The following TCF12 variants were observed in gnomAD, a reference collection of about 807,000 sequenced individuals.
TCF12 encodes transcription factor 12, also known as DNA-binding protein HTF4.
TCF12 carries 45 observed loss-of-function variants against 86.0 expected under a neutral mutation model. The ratio of observed to expected loss-of-function variants is 0.52; its 90% confidence interval spans 0.41 to 0.67. TCF12 has a LOEUF of 0.67. Ranked by LOEUF, TCF12 falls within the 30% of genes least tolerant of loss-of-function variation. The pLI is 0.00. For missense variants in TCF12, 881 were observed against 859.9 expected (o/e 1.02, Z -0.31); for synonymous variants, 330 against 299.6 (o/e 1.10, Z -1.05).
rs141143603 is a variant in TCF12, at chr15:57,264,591, C to T, written c.1745+1317C>T. Among the ~76,000 whole-genome samples the T allele has an allele frequency of 4.5e-3, 691 of 151,928 alleles. 4 individuals are homozygous for T. The highest frequency in any genetic ancestry group is 0.016 in the African/African-American group (669 of 41,286). The stretch of plus-strand genomic sequence containing the variant: ...TTTTTGTTAAAAACTAAGACACAAA[C>T]ACACATGTTAGCCTAGGCCTACACA... On this transcript the variant is annotated intron_variant, in intron 18 of 20. Transcript: ENST00000333725.
At chr15:57,164,463 A>G (rs1047995038) in intron 5 of TCF12, among the ~76,000 whole-genome samples, 5 of 152,094 alleles carry the variant, frequency 3.3e-5, no homozygotes, top group Non-Finnish European at 7.4e-5. Context: ...GTACCGAGCA[A>G]AAGGGGAAAA....
intron 3 of TCF12, among the ~76,000 whole-genome samples, chr15:56,952,237 A>G (rs954523748): frequency 2.0e-5 from 3 of 152,076 alleles, no homozygotes; most frequent in South Asian, 2.1e-4. Context: ...TCTGTATTCT[A>G]TAATTTAGTC....
chr15:57,171,294 G>T (rs548334850), intron 6 of TCF12, among the ~76,000 whole-genome samples: 2 of 151,754 alleles, frequency 1.3e-5, no homozygotes, highest in Admixed American at 1.3e-4. Context: ...CCAAAATTCA[G>T]CAGAGTGGAA....
intron 3 of TCF12, among the ~76,000 whole-genome samples, chr15:56,957,000 C>T (rs1331106775): frequency 1.3e-5 from 2 of 152,192 alleles, no homozygotes; most frequent in Non-Finnish European, 2.9e-5. Flanking sequence ...GTCATGAGGG[C>T]TCTGTCTTCG....
Position 57,219,622 on chromosome 15 carries a change from C to T in TCF12, c.580-11530C>T, listed in dbSNP as rs1555398839. The T allele has an allele frequency of 3.7e-6, 6 of 1,601,422 alleles. No homozygotes were observed. In the South Asian group the frequency reaches 4.4e-5, roughly 12 times the overall value. On this transcript the variant is annotated intron_variant, in intron 8 of 20. Coordinates refer to ENST00000333725, the MANE Select transcript of TCF12 (RefSeq NM_207037.2). Reference sequence around the variant, plus strand: ...CTTTTTCTTTGTATAGCTTCTAACTCACTTGTTTAAAGGAAAGCAGTATAC... The same window carrying T: ...CTTTTTCTTTGTATAGCTTCTAACTTACTTGTTTAAAGGAAAGCAGTATAC...
intron 3 of TCF12, among the ~76,000 whole-genome samples, chr15:56,957,830 T>G (rs1251578494): frequency 6.6e-5 from 10 of 152,242 alleles, no homozygotes; most frequent in African/African-American, 2.4e-4. Flanking sequence ...GTTCTGGAAT[T>G]TAGCTAAATT....
intron 3 of TCF12, among the ~76,000 whole-genome samples, chr15:56,991,078 G>A (rs1235944117): frequency 1.3e-5 from 2 of 152,216 alleles, no homozygotes; most frequent in Non-Finnish European, 1.5e-5. Context: ...TTACAGACGC[G>A]AGCCACTGTG....
At chr15:57,089,302 G>A (rs1429600131) in intron 4 of TCF12, among the ~76,000 whole-genome samples, 6 of 152,068 alleles carry the variant, frequency 3.9e-5, no homozygotes, top group Non-Finnish European at 7.4e-5. Flanking sequence ...TTGATATGTG[G>A]ATTAATAGTA....
chr15:56,924,654 C>T (rs2059926964), intron 3 of TCF12, among the ~76,000 whole-genome samples: 2 of 152,016 alleles, frequency 1.3e-5, no homozygotes, highest in Non-Finnish European at 2.9e-5. Context: ...AATATTGAGC[C>T]ATGTTAGACA....
chr15:57,188,177 T>C (rs1401879002), intron 6 of TCF12, among the ~76,000 whole-genome samples: 1 of 152,158 alleles, frequency 6.6e-6, no homozygotes, highest in Non-Finnish European at 1.5e-5. Flanking sequence ...TTTACAATAG[T>C]ATTTAAAGGA....
intron 5 of TCF12, among the ~76,000 whole-genome samples, chr15:57,158,399 C>T (rs1158511424): frequency 2.0e-5 from 3 of 151,778 alleles, no homozygotes; most frequent in East Asian, 3.9e-4. Flanking sequence ...AGGCTGGTCT[C>T]GAACTCCTGG....
At chr15:57,191,975 GAA>G in intron 6 of TCF12, among the ~76,000 whole-genome samples, 181 bp from the exon 7 acceptor site, 1 of 151,992 alleles carries the variant, frequency 6.6e-6, no homozygotes, top group East Asian at 1.9e-4. Flanking sequence ...TGAGGGTGGA[GAA>G]AAAAAGAGAA....
intron 18 of TCF12, among the ~76,000 whole-genome samples, chr15:57,272,094 T>C (rs548421428): frequency 6.6e-6 from 1 of 152,330 alleles, no homozygotes; most frequent in East Asian, 1.9e-4. Context: ...CTGGCTTTTT[T>C]TACTTAGCAT....
At chr15:57,035,314 A>G (rs1167237012) in intron 3 of TCF12, among the ~76,000 whole-genome samples, 1 of 152,198 alleles carries the variant, frequency 6.6e-6, no homozygotes, top group Non-Finnish European at 1.5e-5. Context: ...CCCATTCTGG[A>G]GTGCAGTGGC....
intron 5 of TCF12, among the ~76,000 whole-genome samples, chr15:57,161,754 G>C (rs1028302681): frequency 1.3e-5 from 2 of 152,110 alleles, no homozygotes; most frequent in African/African-American, 2.4e-5. Context: ...AATCCAGACA[G>C]TACCTACAGT....
At chr15:57,176,676 A>C (rs1203959280) in intron 6 of TCF12, among the ~76,000 whole-genome samples, 1 of 152,234 alleles carries the variant, frequency 6.6e-6, no homozygotes, top group Non-Finnish European at 1.5e-5. Context: ...GGATAGGAGA[A>C]TTGATGTAGT....
chr15:56,974,264 A>G (rs2062488129), intron 3 of TCF12, among the ~76,000 whole-genome samples: 2 of 152,082 alleles, frequency 1.3e-5, no homozygotes, highest in African/African-American at 2.4e-5. Context: ...TTCCTCTCAG[A>G]TGGTTCAGAA....
chr15:57,291,100 C>T (rs187318301), downstream of TCF12: 40 of 152,290 alleles, frequency 2.6e-4, no homozygotes, highest in African/African-American at 8.7e-4. Flanking sequence ...TGGATACAAT[C>T]CCATAAAGTT....
At chr15:57,030,201 A>G (rs1172711195) in intron 3 of TCF12, among the ~76,000 whole-genome samples, 1 of 152,190 alleles carries the variant, frequency 6.6e-6, no homozygotes, top group Non-Finnish European at 1.5e-5. Context: ...TTGCTCTGTC[A>G]CTGAGGCAGG....
Sources: allele counts gnomAD v4.1 joint callset (sites outside exome capture counted in the v4.1 genomes callset), GRCh38; gene constraint gnomAD v4.1.1; transcripts MANE v1.5; gene names NCBI Gene and HGNC (gene_info 2026-07-23, HGNC 2026-07-21).